Variants in MAGI1 observed in about 807,000 individuals in gnomAD.
The protein encoded by MAGI1 is membrane associated guanylate kinase, WW and PDZ domain containing 1.
A neutral mutation model predicts 139.9 loss-of-function variants in MAGI1; 58 were observed. The observed-to-expected ratio is 0.41, with a 90% CI of 0.34 to 0.52. MAGI1 has a LOEUF of 0.52. Ranked by LOEUF, MAGI1 falls within the 20% of genes least tolerant of loss-of-function variation. The probability of loss-of-function intolerance (pLI) is 0.12; values close to 1 mark genes in which losing one functional copy is unlikely to be tolerated. For synonymous variants in MAGI1, 812 were observed against 737.9 expected (o/e 1.10, Z -1.63); for missense variants, 1,874 against 1,901.6 (o/e 0.99, Z 0.27).
chr3:65,412,192 C>T (rs1471163186), intron 12 of MAGI1, among the ~76,000 whole-genome samples: 1 of 152,196 alleles, frequency 6.6e-6, no homozygotes, highest in African/African-American at 2.4e-5. Context: ...TTGGCACCCT[C>T]CACTGCGGAA....
At chr3:65,832,767 A>G (rs1226413269) in intron 1 of MAGI1, among the ~76,000 whole-genome samples, 5 of 152,170 alleles carry the variant, frequency 3.3e-5, no homozygotes, top group African/African-American at 1.2e-4. Flanking sequence ...CAGGCAAAGC[A>G]TCTGCCTTCA....
chr3:65,884,045 G>T (rs2060438407), intron 1 of MAGI1, among the ~76,000 whole-genome samples: 1 of 152,118 alleles, frequency 6.6e-6, no homozygotes, highest in African/African-American at 2.4e-5. Flanking sequence ...AAGCAAGACA[G>T]AATACACTTA....
At chr3:65,715,546 T>C (rs1246799594) in intron 1 of MAGI1, among the ~76,000 whole-genome samples, 2 of 152,162 alleles carry the variant, frequency 1.3e-5, no homozygotes, top group Middle Eastern at 3.2e-3. Flanking sequence ...TCCTCTCTGA[T>C]TACCACTTAC....
chr3:65,379,606 C>A, intron 16 of MAGI1, 52 bp from the exon 17 acceptor site: 1 of 1,559,324 alleles, frequency 6.4e-7, no homozygotes, highest in Non-Finnish European at 8.7e-7. Context: ...GCCCCTCCAT[C>A]CTGCTGCCCC....
At position 65,476,243 on chromosome 3, in the gene MAGI1, C is replaced by T. The variant is rs114233948; in HGVS notation, c.757+2349G>A. On this transcript the variant is annotated intron_variant, in intron 4 of 22. Coordinates refer to ENST00000402939, the MANE Select transcript of MAGI1 (RefSeq NM_001033057.2). ...CTGTTGTAAGTGAGGGGACAGTCAA[C>T]GTGCTCCATACATTGTGAAGAGGTC... Among the ~76,000 whole-genome samples the T allele has an allele frequency of 4.6e-3, 698 of 152,274 alleles. 5 individuals carry two copies. Among genetic ancestry groups the T allele is most frequent in the African/African-American group, 0.016 (652 of 41,564 alleles).
At chr3:65,908,676 C>G (rs935202730) in intron 1 of MAGI1, among the ~76,000 whole-genome samples, 1 of 152,214 alleles carries the variant, frequency 6.6e-6, no homozygotes. Flanking sequence ...TTGCAAAAAT[C>G]AGCTACGTAA....
chr3:65,906,282 T>G (rs1006889354), intron 1 of MAGI1, among the ~76,000 whole-genome samples: 1 of 152,018 alleles, frequency 6.6e-6, no homozygotes, highest in African/African-American at 2.4e-5. Context: ...AAAAGCTCCA[T>G]GAAGAAGGAA....
At chr3:65,846,208 A>G (rs2058988989) in intron 1 of MAGI1, among the ~76,000 whole-genome samples, 1 of 152,228 alleles carries the variant, frequency 6.6e-6, no homozygotes, top group South Asian at 2.1e-4. Context: ...ATGTGAAAGT[A>G]TTATTTTCAA....
In MAGI1 at chr3:65,679,419, C is replaced by T. The variant is rs139515775; in HGVS notation, c.314-57331G>A. Among the ~76,000 whole-genome samples, 400 of 152,196 alleles carry T rather than the reference C, an allele frequency of 2.6e-3. 1 individual carries two copies. Among genetic ancestry groups the T allele is most frequent in the Admixed American group, 4.8e-3 (74 of 15,282 alleles). On this transcript the variant is annotated intron_variant, in intron 1 of 22. Transcript: ENST00000402939. The stretch of plus-strand genomic sequence containing the variant: ...TGCTTAATCAAGATGCCCCTGGGGC[C>T]GGGCACGGTGGCTCACATCTGTAAT...
intron 2 of MAGI1, among the ~76,000 whole-genome samples, chr3:65,603,425 T>A (rs192330469): frequency 2.0e-5 from 3 of 152,280 alleles, no homozygotes; most frequent in Admixed American, 1.3e-4. Context: ...AAAATTTATA[T>A]GACAATCTAC....
intron 1 of MAGI1, among the ~76,000 whole-genome samples, chr3:65,670,980 T>C (rs1157868773): frequency 6.6e-6 from 1 of 152,230 alleles, no homozygotes; most frequent in Non-Finnish European, 1.5e-5. Context: ...TTTTATGATG[T>C]AAAATAACTG....
intron 2 of MAGI1, among the ~76,000 whole-genome samples, chr3:65,517,237 T>C (rs1048875293): frequency 5.3e-5 from 8 of 152,154 alleles, no homozygotes; most frequent in South Asian, 2.1e-4. Context: ...CTTGTCTCAG[T>C]TGGCCACTCT....
chr3:65,864,362 T>C (rs1401050098), intron 1 of MAGI1, among the ~76,000 whole-genome samples: 1 of 152,216 alleles, frequency 6.6e-6, no homozygotes, highest in African/African-American at 2.4e-5. Flanking sequence ...TTCTCCCTGG[T>C]ACAGGCCAGG....
Position 65,502,389 on chromosome 3 carries a change from G to T in MAGI1, c.431-8758C>A, listed in dbSNP as rs558611030. On this transcript the variant is annotated intron_variant, in intron 2 of 22. Coordinates refer to ENST00000402939, the MANE Select transcript of MAGI1 (RefSeq NM_001033057.2). ...TATTAATGTCAATTTGAGACTTTCT[G>T]CTTAGCATAAGGATTTGTCTTCGTT... 9.7e-5 allele frequency among the ~76,000 whole-genome samples: 10 copies of T among 103,174 alleles called. No individual in the cohort carries two copies. The South Asian group carries it at 3.1e-3, about 32-fold the overall frequency. The allele number at this position is 103,174 out of a possible 152,430, so 67.7% of individuals were successfully genotyped here.
intron 1 of MAGI1, among the ~76,000 whole-genome samples, chr3:65,734,513 AAGAAAGAG>A (rs1366425098): frequency 3.3e-5 from 5 of 149,722 alleles, no homozygotes; most frequent in Non-Finnish European, 5.9e-5. Context: ...AAGAGAGAGA[AAGAAAGAG>A]AGAAAGAGAG....
intron 2 of MAGI1, among the ~76,000 whole-genome samples, chr3:65,507,737 T>C (rs901837331): frequency 4.6e-5 from 7 of 152,140 alleles, no homozygotes; most frequent in Non-Finnish European, 5.9e-5. Context: ...TAGTTCATGT[T>C]TCAGTGAGCA....
Position 66,005,953 on chromosome 3 carries a change from T to C in MAGI1, c.313+32043A>G, listed in dbSNP as rs1281012765. ...GGTTCCTGGACTGGATTTCTTTGAA[T>C]GACACACTGGGCCTCGAGTCAGTCA... On this transcript the variant is annotated intron_variant, in intron 1 of 22. Coordinates refer to ENST00000402939, the MANE Select transcript of MAGI1 (RefSeq NM_001033057.2). 4.6e-5 allele frequency among the ~76,000 whole-genome samples: 7 copies of C among 152,156 alleles called. No individual in the cohort carries two copies. In the East Asian group the frequency reaches 7.7e-4, roughly 17 times the overall value.
At chr3:65,417,471 A>G (rs1388108274) in intron 12 of MAGI1, among the ~76,000 whole-genome samples, 2 of 152,142 alleles carry the variant, frequency 1.3e-5, no homozygotes, top group East Asian at 3.9e-4. Flanking sequence ...AGGGTAGGAA[A>G]CAAACTCCAA....
intron 1 of MAGI1, among the ~76,000 whole-genome samples, chr3:65,714,743 C>CG (rs1392110165): frequency 5.9e-5 from 9 of 152,144 alleles, no homozygotes; most frequent in Non-Finnish European, 1.2e-4. Flanking sequence ...TCTTCTCTGA[C>CG]ATCACAGTCT....
Sources: gnomAD v4.1 joint callset for allele counts (sites outside exome capture counted in the v4.1 genomes callset) on GRCh38, gnomAD v4.1.1 for gene constraint, MANE v1.5 for transcripts, NCBI Gene and HGNC (gene_info 2026-07-23, HGNC 2026-07-21) for gene names.